The following FARS2 variants were observed in gnomAD, a reference collection of about 807,000 sequenced individuals.
FARS2 encodes phenylalanine--tRNA ligase, mitochondrial.
Under a neutral mutation model 46.4 loss-of-function variants are expected in FARS2, and 40 were observed. That is an observed-to-expected ratio of 0.86 (90% CI 0.67 to 1.12). The LOEUF is 1.12. FARS2 is among the 50% of genes most tolerant of loss of function. The pLI is 0.00. For synonymous variants in FARS2, 234 were observed against 214.9 expected (o/e 1.09, Z -0.78); for missense variants, 513 against 567.9 (o/e 0.90, Z 0.98).
intron 6 of FARS2, among the ~76,000 whole-genome samples, chr6:5,751,150 T>C (rs183703838): frequency 6.6e-6 from 1 of 152,290 alleles, no homozygotes; most frequent in Admixed American, 6.5e-5. Flanking sequence ...GTAAGGACTC[T>C]CCCTCGAGTG....
chr6:5,640,130 C>A (rs1036832454), intron 6 of FARS2, among the ~76,000 whole-genome samples: 8 of 136,684 alleles, frequency 5.9e-5, no homozygotes, highest in African/African-American at 2.3e-4. Flanking sequence ...TTTGAGGGAA[C>A]TTTTGTCAGG....
intron 6 of FARS2, among the ~76,000 whole-genome samples, chr6:5,718,233 C>T (rs772689108): frequency 1.1e-4 from 17 of 152,132 alleles, no homozygotes; most frequent in Middle Eastern, 3.4e-3. Context: ...TATTAAAGGG[C>T]CATTTTATTT....
intron 3 of FARS2, among the ~76,000 whole-genome samples, chr6:5,409,187 A>G (rs1403442141): frequency 6.6e-6 from 1 of 152,188 alleles, no homozygotes; most frequent in Non-Finnish European, 1.5e-5. Flanking sequence ...GCGGTGGCTC[A>G]CACCTGTAAT....
chr6:5,279,157 C>T (rs1041758705), intron 1 of FARS2, among the ~76,000 whole-genome samples: 5 of 152,002 alleles, frequency 3.3e-5, no homozygotes, highest in African/African-American at 1.2e-4. Flanking sequence ...GCGGGCGGAT[C>T]ATGAGGTCAG....
chr6:5,338,285 A>T (rs1456449512), intron 1 of FARS2, among the ~76,000 whole-genome samples: 1 of 152,162 alleles, frequency 6.6e-6, no homozygotes, highest in Non-Finnish European at 1.5e-5. Context: ...TGCTCTCACG[A>T]TGTGCTGTTT....
At chr6:5,463,671 A>G (rs1394162475) in intron 4 of FARS2, among the ~76,000 whole-genome samples, 3 of 151,210 alleles carry the variant, frequency 2.0e-5, no homozygotes, top group African/African-American at 7.3e-5. Context: ...GCATAAATAT[A>G]TCAACAGCAT....
chr6:5,342,655 G>A (rs997310707), intron 1 of FARS2, among the ~76,000 whole-genome samples: 1 of 152,092 alleles, frequency 6.6e-6, no homozygotes, highest in African/African-American at 2.4e-5. Flanking sequence ...GGGAGGCTGA[G>A]GCGGGAGAAT....
At chr6:5,436,544 A>G (rs1763530272) in intron 4 of FARS2, among the ~76,000 whole-genome samples, 1 of 152,250 alleles carries the variant, frequency 6.6e-6, no homozygotes, top group African/African-American at 2.4e-5. Context: ...TCTGTGTAGT[A>G]GGGCAGATAA....
chr6:5,463,506 G>A (rs2150305517), intron 4 of FARS2, among the ~76,000 whole-genome samples: 1 of 152,260 alleles, frequency 6.6e-6, no homozygotes, highest in Admixed American at 6.5e-5. Flanking sequence ...TAGGGCATTT[G>A]TTTTGTGGCC....
At chr6:5,313,408 G>A (rs763880632) in intron 1 of FARS2, among the ~76,000 whole-genome samples, 8 of 152,146 alleles carry the variant, frequency 5.3e-5, no homozygotes, top group Non-Finnish European at 1.0e-4. Context: ...CATTGACGCA[G>A]GGCCGTTCCT....
intron 1 of FARS2, among the ~76,000 whole-genome samples, chr6:5,324,963 C>T (rs1029418643): frequency 1.3e-5 from 2 of 152,252 alleles, no homozygotes; most frequent in Admixed American, 1.3e-4. Flanking sequence ...TTTTAGCAAG[C>T]TCTGGCAAAC....
intron 1 of FARS2, among the ~76,000 whole-genome samples, chr6:5,288,324 C>T (rs1396963827): frequency 2.0e-5 from 3 of 152,042 alleles, no homozygotes; most frequent in Non-Finnish European, 4.4e-5. Flanking sequence ...AAGCAAATAC[C>T]CTGACCATCC....
intron 2 of FARS2, among the ~76,000 whole-genome samples, chr6:5,370,556 T>G (rs1758992661): frequency 6.6e-6 from 1 of 152,316 alleles, no homozygotes; most frequent in East Asian, 1.9e-4. Context: ...GCCAGTAATA[T>G]GACGTCCAGG....
chr6:5,347,168 C>A (rs1181781313), intron 1 of FARS2, among the ~76,000 whole-genome samples: 1 of 152,136 alleles, frequency 6.6e-6, no homozygotes, highest in Non-Finnish European at 1.5e-5. Flanking sequence ...CCCACCTTGG[C>A]CCCCCGAAGT....
At chr6:5,543,753 C>T (rs1770777316) in intron 4 of FARS2, among the ~76,000 whole-genome samples, 1 of 152,156 alleles carries the variant, frequency 6.6e-6, no homozygotes, top group Admixed American at 6.5e-5. Context: ...CTGCCTGTAT[C>T]TCCAGAATCC....
At chr6:5,539,406 A>ATATATATATTTTT (rs1226634056) in intron 4 of FARS2, among the ~76,000 whole-genome samples, 14 of 144,878 alleles carry the variant, frequency 9.7e-5, no homozygotes, top group African/African-American at 3.6e-4. Context: ...ATATGTATAT[A>ATATATATATTTTT]TTTTTTTAGT....
intron 5 of FARS2, among the ~76,000 whole-genome samples, chr6:5,547,919 A>G (rs1771134042): frequency 6.6e-6 from 1 of 152,176 alleles, no homozygotes; most frequent in Non-Finnish European, 1.5e-5. Flanking sequence ...GACCTTTTCA[A>G]CTGTATTAGT....
At chr6:5,750,631 C>G (rs942064538) in intron 6 of FARS2, among the ~76,000 whole-genome samples, 4 of 152,012 alleles carry the variant, frequency 2.6e-5, no homozygotes. Context: ...CCTGAAAAGT[C>G]GAAGGCAGTG....
intron 6 of FARS2, among the ~76,000 whole-genome samples, chr6:5,707,533 C>G (rs1758833462): frequency 6.6e-6 from 1 of 152,212 alleles, no homozygotes; most frequent in Non-Finnish European, 1.5e-5. Context: ...AAAGCCAAAA[C>G]TAGAGCTCAA....
Sources: gnomAD v4.1 joint callset for allele counts (sites outside exome capture counted in the v4.1 genomes callset) on GRCh38, gnomAD v4.1.1 for gene constraint, MANE v1.5 for transcripts, NCBI Gene and HGNC (gene_info 2026-07-23, HGNC 2026-07-21) for gene names.